The following SIAH1 variants were observed in gnomAD, a reference collection of about 807,000 sequenced individuals.
The protein encoded by SIAH1 is E3 ubiquitin-protein ligase SIAH1.
SIAH1 carries 2 observed loss-of-function variants against 20.0 expected under a neutral mutation model. That is an observed-to-expected ratio of 0.10 (90% confidence interval 0.04 to 0.31). The LOEUF (loss-of-function observed/expected upper bound fraction) is 0.31, where lower values mean the gene tolerates loss of function less well. Among genes scored for constraint, SIAH1 ranks in the 10% least tolerant of loss-of-function variants. The pLI, the probability that SIAH1 is intolerant of heterozygous loss-of-function variation, is 1.00. For synonymous variants in SIAH1, 118 were observed against 125.3 expected, an observed-to-expected ratio of 0.94 and a Z score of 0.39; for missense variants, 119 against 355.3, an observed-to-expected ratio of 0.33 and a Z score of 5.35.
At chr16:48,383,903 T>C (rs1251706547) in intron 1 of SIAH1, among the ~76,000 whole-genome samples, 1 of 152,256 alleles carries the variant, frequency 6.6e-6, no homozygotes, top group African/African-American at 2.4e-5. Context: ...AACTACAGTC[T>C]TAACAGTAAG....
intron 1 of SIAH1, among the ~76,000 whole-genome samples, chr16:48,379,433 C>T (rs1282493829): frequency 6.6e-6 from 1 of 152,064 alleles, no homozygotes; most frequent in Non-Finnish European, 1.5e-5. Context: ...CCCAGTTGGC[C>T]TAGGTAGGGC....
At chr16:48,370,925 C>T (rs1407806710) in intron 1 of SIAH1, among the ~76,000 whole-genome samples, 1 of 151,868 alleles carries the variant, frequency 6.6e-6, no homozygotes, top group African/African-American at 2.4e-5. Context: ...ATCAGCCTGG[C>T]CAACGTGGTA....
chr16:48,378,895 G>A (rs1380747572), intron 1 of SIAH1, among the ~76,000 whole-genome samples: 1 of 152,112 alleles, frequency 6.6e-6, no homozygotes, highest in Non-Finnish European at 1.5e-5. Context: ...CTTATCCTTG[G>A]ACACCAGGTC....
chr16:48,363,492 CA>C (rs1345855092), intron 1 of SIAH1: 1 of 166,984 alleles, frequency 6.0e-6, no homozygotes, highest in Non-Finnish European at 1.5e-5. Context: ...AGGGCCATCT[CA>C]AAACTTTTTA....
chr16:48,365,832 G>A (rs1960812945), intron 1 of SIAH1: 4 of 1,248,594 alleles, frequency 3.2e-6, no homozygotes, highest in Non-Finnish European at 2.0e-6. Flanking sequence ...GATGCAGGGG[G>A]CGACGCGCTG....
intron 1 of SIAH1, among the ~76,000 whole-genome samples, chr16:48,367,636 TCA>T (rs1491293105): frequency 2.6e-5 from 4 of 152,246 alleles, no homozygotes; most frequent in Non-Finnish European, 5.9e-5. Flanking sequence ...CATCAATTAG[TCA>T]CAGACTCAGA....
intron 1 of SIAH1, among the ~76,000 whole-genome samples, chr16:48,375,648 C>G (rs533004574): frequency 2.5e-4 from 38 of 149,730 alleles, no homozygotes; most frequent in African/African-American, 8.4e-4. Flanking sequence ...CAAAAAAAAA[C>G]AAAAAACAAA....
At chr16:48,364,707 G>C (rs1323132241) in intron 1 of SIAH1, 1 of 152,254 alleles carries the variant, frequency 6.6e-6, no homozygotes, top group African/African-American at 2.4e-5. Context: ...CACCCTGGCT[G>C]TATGCTGTAT....
At chr16:48,385,744 TGACCCCCCCGGCTCCG>T (rs1961447710), upstream of SIAH1, among the ~76,000 whole-genome samples, 1 of 151,786 alleles carries the variant, frequency 6.6e-6, no homozygotes, top group Admixed American at 6.6e-5. Flanking sequence ...CGGGGCCGCG[TGACCCCCCCGGCTCCG>T]GCCGGAGGGG....
At chr16:48,381,932 T>C (rs1194647102) in intron 1 of SIAH1, among the ~76,000 whole-genome samples, 1 of 152,148 alleles carries the variant, frequency 6.6e-6, no homozygotes, top group Non-Finnish European at 1.5e-5. Flanking sequence ...ATGTTGATAA[T>C]GGAGGAGGTT....
At chr16:48,380,875 G>A (rs538053312) in intron 1 of SIAH1, among the ~76,000 whole-genome samples, 1 of 122,198 alleles carries the variant, frequency 8.2e-6, no homozygotes, top group South Asian at 2.8e-4. Context: ...GTTGCAATGA[G>A]CCGAGATCAC....
chr16:48,386,379 C>T (rs898896430), upstream of SIAH1, among the ~76,000 whole-genome samples: 5 of 151,960 alleles, frequency 3.3e-5, no homozygotes, highest in East Asian at 3.9e-4. Flanking sequence ...TGGTGGTGCA[C>T]GCCTGTAGTC....
At chr16:48,363,940 CTTTTTTTTTTTTTTTTT>C (rs565145479) in intron 1 of SIAH1, 17 of 64,652 alleles carry the variant, frequency 2.6e-4, no homozygotes, top group Non-Finnish European at 4.7e-4. Flanking sequence ...AAGCCATAAT[CTTTTTTTTTTTTTTTTT>C]TTTTTTTTTT....
chr16:48,365,327 CACTG>C (rs1371783176), intron 1 of SIAH1: 89 of 1,585,232 alleles, frequency 5.6e-5, no homozygotes, highest in Non-Finnish European at 7.5e-5. Context: ...AGGCAGGTTC[CACTG>C]ACTAATAGCG....
At position 48,377,724 on chromosome 16, in the gene SIAH1, G is replaced by A. The variant is rs923482557; in HGVS notation, c.-3+7480C>T. ...TGAAGATTTAAGGAAAAAAAAAATC[G>A]TTCTAGAAATACTGGTCAGAAAGTA... On this transcript the variant is annotated intron_variant, in intron 1 of 1. Coordinates refer to ENST00000394725, the MANE Select transcript of SIAH1 (RefSeq NM_003031.4). Among the ~76,000 whole-genome samples, 16 of 151,694 alleles carry A rather than the reference G, an allele frequency of 1.1e-4. No homozygotes were observed. In the East Asian group the frequency reaches 1.4e-3, roughly 13 times the overall value.
intron 1 of SIAH1, among the ~76,000 whole-genome samples, chr16:48,379,185 T>C (rs1961190106): frequency 2.0e-5 from 3 of 152,130 alleles, no homozygotes; most frequent in Admixed American, 2.0e-4. Flanking sequence ...TCTTAAGGGC[T>C]TGTCCTCTTA....
chr16:48,368,910 T>G (rs949581690), intron 1 of SIAH1, among the ~76,000 whole-genome samples: 1 of 152,212 alleles, frequency 6.6e-6, no homozygotes, highest in Non-Finnish European at 1.5e-5. Context: ...TTCAAAACAC[T>G]TAAGGCTTTT....
At chr16:48,381,246 G>C (rs1961282611) in intron 1 of SIAH1, among the ~76,000 whole-genome samples, 1 of 152,116 alleles carries the variant, frequency 6.6e-6, no homozygotes, top group Non-Finnish European at 1.5e-5. Flanking sequence ...TCAGGAGACT[G>C]AGGCACGAGA....
At chr16:48,379,288 C>T (rs1158962397) in intron 1 of SIAH1, among the ~76,000 whole-genome samples, 1 of 152,122 alleles carries the variant, frequency 6.6e-6, no homozygotes, top group African/African-American at 2.4e-5. Context: ...AATAACTGTT[C>T]ATGTACTAAT....
Sources: allele counts gnomAD v4.1 joint callset (sites outside exome capture counted in the v4.1 genomes callset), GRCh38; gene constraint gnomAD v4.1.1; transcripts MANE v1.5; gene names NCBI Gene and HGNC (gene_info 2026-07-23, HGNC 2026-07-21).